The following SLCO6A1 variants were observed in gnomAD, a reference collection of about 807,000 sequenced individuals.
SLCO6A1 encodes cancer/testis antigen 48.
A neutral mutation model predicts 72.7 loss-of-function variants in SLCO6A1; 65 were observed. The observed-to-expected ratio is 0.89, with a 90% CI of 0.73 to 1.10. The LOEUF (loss-of-function observed/expected upper bound fraction) is 1.10. Ranked by LOEUF, SLCO6A1 falls within the 50% of genes least tolerant of loss-of-function variation. The pLI is 0.00. For synonymous variants in SLCO6A1, 314 were observed against 298.2 expected, an observed-to-expected ratio of 1.05 and a Z score of -0.55; for missense variants, 874 against 872.6, an observed-to-expected ratio of 1.00 and a Z score of -0.02.
intron 4 of SLCO6A1, among the ~76,000 whole-genome samples, chr5:102,463,269 T>C (rs370515160): frequency 7.5e-6 from 1 of 133,600 alleles, no homozygotes; most frequent in Non-Finnish European, 1.7e-5. Flanking sequence ...AAAAATTAGA[T>C]GTTGGTGTGG....
chr5:102,490,940 T>C (rs1447281039), intron 1 of SLCO6A1, among the ~76,000 whole-genome samples: 3 of 152,070 alleles, frequency 2.0e-5, no homozygotes, highest in Non-Finnish European at 4.4e-5. Flanking sequence ...CTGGCTCCGG[T>C]AGCCTGCTTT....
chr5:102,399,351 T>C (rs1460753453), intron 10 of SLCO6A1, among the ~76,000 whole-genome samples: 1 of 152,118 alleles, frequency 6.6e-6, no homozygotes, highest in Non-Finnish European at 1.5e-5. Flanking sequence ...AGTTAAACAA[T>C]GTGATATTTA....
At chr5:102,446,885 G>T (rs1175653377) in intron 6 of SLCO6A1, among the ~76,000 whole-genome samples, 1 of 152,036 alleles carries the variant, frequency 6.6e-6, no homozygotes, top group Non-Finnish European at 1.5e-5. Context: ...CTCCCAAGTG[G>T]CTGGGATTAC....
intron 12 of SLCO6A1, among the ~76,000 whole-genome samples, chr5:102,382,086 C>T (rs1746141416): frequency 6.6e-6 from 1 of 151,098 alleles, no homozygotes; most frequent in Non-Finnish European, 1.5e-5. Flanking sequence ...TAATGTAATC[C>T]TATTGTCTAT....
chr5:102,416,527 G>A (rs551714258), intron 8 of SLCO6A1, among the ~76,000 whole-genome samples: 1 of 152,142 alleles, frequency 6.6e-6, no homozygotes, highest in South Asian at 2.1e-4. Context: ...GCTAAAACTT[G>A]TGTACCCATA....
At chr5:102,403,913 C>T (rs1046641322) in intron 9 of SLCO6A1, among the ~76,000 whole-genome samples, 2 of 151,884 alleles carry the variant, frequency 1.3e-5, no homozygotes, top group African/African-American at 4.8e-5. Flanking sequence ...ATACTTTTTA[C>T]CTATTTTTCT....
At chr5:102,470,041 C>T (rs2112796872) in intron 4 of SLCO6A1, among the ~76,000 whole-genome samples, 1 of 152,230 alleles carries the variant, frequency 6.6e-6, no homozygotes, top group Middle Eastern at 3.4e-3. Flanking sequence ...TTTTGATGTG[C>T]TGCTGGATTC....
chr5:102,414,818 C>G (rs1748184082), intron 8 of SLCO6A1, among the ~76,000 whole-genome samples: 1 of 152,030 alleles, frequency 6.6e-6, no homozygotes, highest in Admixed American at 6.6e-5. Flanking sequence ...TTGCTTGAAC[C>G]AGGGAAGTGG....
chr5:102,486,934 AT>A (rs1274193183), intron 1 of SLCO6A1, among the ~76,000 whole-genome samples: 1 of 152,170 alleles, frequency 6.6e-6, no homozygotes, highest in Non-Finnish European at 1.5e-5. Flanking sequence ...CAAAAAATAA[AT>A]TATTATTTGA....
rs376226727 is a variant in SLCO6A1, at chr5:102,464,965, T to C, written c.900-5188A>G. Among the ~76,000 whole-genome samples the C allele has an allele frequency of 9.9e-5, 15 of 152,232 alleles. No homozygotes were observed. In the East Asian group the frequency reaches 2.5e-3, roughly 25 times the overall value. The stretch of plus-strand genomic sequence containing the variant: ...TGATATCCAACACAATCCATCACTT[T>C]TGTACCTCAGAATCTGCTAGTGCCC... On this transcript the variant is annotated intron_variant, in intron 4 of 13. Coordinates refer to ENST00000506729, the MANE Select transcript of SLCO6A1 (RefSeq NM_173488.5).
chr5:102,413,273 G>A, intron 8 of SLCO6A1, 130 bp from the exon 9 acceptor site: 1 of 842,128 alleles, frequency 1.2e-6, no homozygotes, highest in East Asian at 3.2e-5. Context: ...GCTTTACTGA[G>A]GTCTGAGGTA....
intron 9 of SLCO6A1, among the ~76,000 whole-genome samples, chr5:102,403,005 A>C (rs1479906079): frequency 6.6e-6 from 1 of 152,204 alleles, no homozygotes; most frequent in Non-Finnish European, 1.5e-5. Context: ...AGCTTATTTG[A>C]TGAAAAAATA....
At chr5:102,458,973 T>C (rs1404942477) in intron 5 of SLCO6A1, among the ~76,000 whole-genome samples, 4 of 152,188 alleles carry the variant, frequency 2.6e-5, no homozygotes, top group Non-Finnish European at 5.9e-5. Flanking sequence ...GTTATTATTT[T>C]ATCTTACAAT....
intron 12 of SLCO6A1, among the ~76,000 whole-genome samples, chr5:102,385,027 C>T (rs1746330674): frequency 6.6e-6 from 1 of 152,124 alleles, no homozygotes; most frequent in South Asian, 2.1e-4. Context: ...TGAATTCCCT[C>T]AGCTTTTATT....
At chr5:102,404,292 G>A (rs1266693442) in intron 9 of SLCO6A1, among the ~76,000 whole-genome samples, 2 of 152,144 alleles carry the variant, frequency 1.3e-5, no homozygotes, top group African/African-American at 2.4e-5. Flanking sequence ...TCAGGAGATC[G>A]AGACCATCCT....
intron 8 of SLCO6A1, among the ~76,000 whole-genome samples, chr5:102,417,130 C>T (rs1258063733): frequency 6.6e-6 from 1 of 152,078 alleles, no homozygotes; most frequent in Admixed American, 6.6e-5. Flanking sequence ...ATTCTTTGCT[C>T]TCAAAAATAC....
At chr5:102,388,038 AAG>A (rs750088944) in intron 12 of SLCO6A1, among the ~76,000 whole-genome samples, 1 of 152,184 alleles carries the variant, frequency 6.6e-6, no homozygotes, top group Non-Finnish European at 1.5e-5. Context: ...CATTGAACAA[AAG>A]AGAAAATATG....
intron 8 of SLCO6A1, among the ~76,000 whole-genome samples, chr5:102,418,379 G>T (rs1280133054): frequency 4.0e-5 from 6 of 151,878 alleles, no homozygotes; most frequent in Non-Finnish European, 8.8e-5. Flanking sequence ...ATTTTTATAT[G>T]AAATTTGAAA....
chr5:102,390,259 T>C (rs1746681754), intron 11 of SLCO6A1, among the ~76,000 whole-genome samples: 1 of 152,158 alleles, frequency 6.6e-6, no homozygotes, highest in African/African-American at 2.4e-5. Flanking sequence ...ATGCTACCTC[T>C]TCCATTACAA....
Sources: allele counts gnomAD v4.1 joint callset (sites outside exome capture counted in the v4.1 genomes callset), GRCh38; gene constraint gnomAD v4.1.1; transcripts MANE v1.5; gene names NCBI Gene and HGNC (gene_info 2026-07-23, HGNC 2026-07-21).